VWA2: variants seen among roughly 807,000 people sequenced by gnomAD.
VWA2 encodes the protein von Willebrand factor A domain containing 2.
VWA2 carries 73 observed loss-of-function variants against 70.4 expected under a neutral mutation model. That is an observed-to-expected ratio of 1.04 (90% CI 0.86 to 1.26). VWA2 has a LOEUF of 1.26. Among genes scored for constraint, VWA2 ranks in the 50% most tolerant of loss-of-function variants. The pLI, the probability that VWA2 is intolerant of heterozygous loss-of-function variation, is 0.00. For synonymous variants in VWA2, 407 were observed against 423.3 expected (o/e 0.96, Z 0.47); for missense variants, 1,011 against 998.5 (o/e 1.01, Z -0.17).
At position 114,264,829 on chromosome 10, in the gene VWA2, C is replaced by T. The variant is rs369026618; in HGVS notation, c.371+3534C>T. ...CCACCTCCCGGGTTCAAGCGATTCT[C>T]CTGCCTCAGCCTCCCGAGTAGCTAG... On this transcript the variant is annotated intron_variant, in intron 5 of 13. Transcript: ENST00000392982. 4.8e-4 allele frequency among the ~76,000 whole-genome samples: 73 copies of T among 152,318 alleles called. No individual in the cohort carries two copies. In the Middle Eastern group the frequency reaches 0.034, roughly 71 times the overall value.
At chr10:114,246,797 C>T (rs1232309766) in intron 1 of VWA2, 1 of 1,091,252 alleles carries the variant, frequency 9.2e-7, no homozygotes, top group Non-Finnish European at 1.4e-6. Context: ...TTTATTTTAC[C>T]ATTGACTGCT....
chr10:114,281,821 G>A (rs2038148689), intron 8 of VWA2: 1 of 888,678 alleles, frequency 1.1e-6, no homozygotes. Flanking sequence ...ATACAAAGAG[G>A]AAAGTGAAGA....
chr10:114,276,908 A>C (rs1446013436), intron 6 of VWA2, among the ~76,000 whole-genome samples: 6 of 152,052 alleles, frequency 3.9e-5, no homozygotes, highest in Non-Finnish European at 5.9e-5. Flanking sequence ...AGTCCATTGC[A>C]GGGCTGGGGG....
At chr10:114,276,950 G>A (rs549471675) in intron 6 of VWA2, among the ~76,000 whole-genome samples, 3 of 152,198 alleles carry the variant, frequency 2.0e-5, no homozygotes, top group Admixed American at 6.5e-5. Flanking sequence ...CCTGCAGACC[G>A]TGGCTGTGCA....
intron 9 of VWA2, 92 bp from the exon 10 acceptor site, chr10:114,284,771 A>G: frequency 7.9e-7 from 1 of 1,259,384 alleles, no homozygotes; most frequent in Non-Finnish European, 1.1e-6. Flanking sequence ...CCACTGCTAG[A>G]GCAGGAAGCC....
intron 11 of VWA2, among the ~76,000 whole-genome samples, chr10:114,287,210 T>A (rs780226711): frequency 6.6e-6 from 1 of 152,168 alleles, no homozygotes; most frequent in Non-Finnish European, 1.5e-5. Context: ...AGACAGGGTC[T>A]TGCTCTGTTA....
chr10:114,264,391 A>G (rs973787427), intron 5 of VWA2, among the ~76,000 whole-genome samples: 1 of 128,242 alleles, frequency 7.8e-6, no homozygotes, highest in African/African-American at 2.8e-5. Context: ...AGCCAGGCAT[A>G]GCAGGTCATA....
At chr10:114,273,958 G>A (rs947797127) in intron 6 of VWA2, among the ~76,000 whole-genome samples, 1 of 152,194 alleles carries the variant, frequency 6.6e-6, no homozygotes, top group Non-Finnish European at 1.5e-5. Context: ...TTTTAGTTTG[G>A]GTGGTCAGTC....
intron 1 of VWA2, among the ~76,000 whole-genome samples, chr10:114,244,751 G>A (rs1031229183): frequency 2.0e-5 from 3 of 152,240 alleles, no homozygotes; most frequent in Non-Finnish European, 2.9e-5. Flanking sequence ...TGGGAATAGA[G>A]TGCAAACAAT....
intron 4 of VWA2, among the ~76,000 whole-genome samples, chr10:114,255,457 G>A (rs1004229402): frequency 6.6e-6 from 1 of 152,168 alleles, no homozygotes; most frequent in Non-Finnish European, 1.5e-5. Context: ...TAGTCAGAGG[G>A]AAGAGAGTTT....
rs754631958 is a variant in VWA2 at position 114,284,940 on chromosome 10, C to T, written c.967C>T (p.Pro323Ser). 3 of 1,604,192 alleles carry T rather than the reference C, an allele frequency of 1.9e-6. No individual in the cohort carries two copies. In the South Asian group the frequency reaches 3.4e-5, roughly 18 times the overall value. The stretch of plus-strand genomic sequence containing the variant: ...ACTGGACGGCTACCAGTGCCTCTGC[C>T]CGCTGGCCTTTGGAGGGGAGGCTAA... ...EGLDGYQCLC[P>S]LAFGGEANCA... The change falls in exon 10 of 14, where the codon CCG (proline) becomes TCG (serine). Residue 323 changes from proline to serine, a missense_variant. Pro to Ser is a moderately conservative substitution (Grantham distance 74). Transcript: ENST00000392982.
rs577067690 is a variant in VWA2, at chr10:114,293,735, T to C, written c.*2498T>C. On this transcript the variant is annotated 3_prime_UTR_variant, in exon 14 of 14. Transcript: ENST00000392982. Reference sequence around the variant, plus strand: ...CTGAACGATCCTGATTCCAGTCATCTTGTTGAATACCCTAGTTCTAATAAT... The same window carrying C: ...CTGAACGATCCTGATTCCAGTCATCCTGTTGAATACCCTAGTTCTAATAAT... 4.6e-5 allele frequency among the ~76,000 whole-genome samples: 7 copies of C among 152,374 alleles called. No individual in the cohort carries two copies. In the East Asian group the frequency reaches 1.2e-3, roughly 25 times the overall value.
At chr10:114,247,591 G>A (rs1346471230) in intron 1 of VWA2, among the ~76,000 whole-genome samples, 1 of 151,876 alleles carries the variant, frequency 6.6e-6, no homozygotes. Flanking sequence ...GAGCCACCGC[G>A]AAGGGCTTAT....
chr10:114,282,744 G>A (rs2038328051), intron 9 of VWA2, among the ~76,000 whole-genome samples, 173 bp downstream of exon 9: 1 of 152,188 alleles, frequency 6.6e-6, no homozygotes. Flanking sequence ...CCTCAATGGT[G>A]TTTGCTCATT....
At chr10:114,258,364 T>A (rs191552156) in intron 4 of VWA2, among the ~76,000 whole-genome samples, 1 of 152,340 alleles carries the variant, frequency 6.6e-6, no homozygotes, top group East Asian at 1.9e-4. Flanking sequence ...GTGTTTGAAG[T>A]CTTCCTCTTA....
chr10:114,273,883 T>A (rs2037763631), intron 6 of VWA2, among the ~76,000 whole-genome samples: 1 of 151,932 alleles, frequency 6.6e-6, no homozygotes, highest in African/African-American at 2.4e-5. Flanking sequence ...GGAAGTAAAA[T>A]GCAAAAGGGA....
At position 114,288,977 on chromosome 10, in the gene VWA2, A is replaced by G; in HGVS notation, c.1610A>G (p.Asp537Gly). Reference protein sequence around the residue: ...TQALDLVFMLDTSASVGPENF... With the variant: ...TQALDLVFMLGTSASVGPENF... ...GCCCTGGACCTCGTCTTCATGTTGGACACCTCTGCCTCAGTAGGGCCCGAG... is the reference window on the plus strand; with the variant it reads ...GCCCTGGACCTCGTCTTCATGTTGGGCACCTCTGCCTCAGTAGGGCCCGAG... The change falls in exon 12 of 14, where the codon GAC (aspartate) becomes GGC (glycine). Residue 537 changes from aspartate (D) to glycine (G), a missense_variant. By Grantham distance (94) the Asp-to-Gly change is moderately conservative. Transcript: ENST00000392982. 1 of 1,613,620 alleles carries G rather than the reference A, an allele frequency of 6.2e-7. No individual in the cohort carries two copies. Among genetic ancestry groups the G allele is most frequent in the Non-Finnish European group, 8.5e-7 (1 of 1,179,734 alleles).
rs2039865650 is a variant in VWA2, at chr10:114,294,262, T to G, written c.*3025T>G. Among the ~76,000 whole-genome samples, 1 of 152,232 alleles carries G rather than the reference T, an allele frequency of 6.6e-6. No homozygotes were observed. The highest frequency in any genetic ancestry group is 1.5e-5 in the Non-Finnish European group (1 of 68,024). On this transcript the variant is annotated 3_prime_UTR_variant, in exon 14 of 14. Coordinates refer to ENST00000392982, the MANE Select transcript of VWA2 (RefSeq NM_001272046.2). ...TCTTTTGCAATTTGTTTTGAATTTT[T>G]GGTATCAGAGCTATACTAACCTTAT...
intron 5 of VWA2, among the ~76,000 whole-genome samples, chr10:114,269,268 A>G (rs1168082616): frequency 1.3e-5 from 2 of 152,194 alleles, no homozygotes; most frequent in East Asian, 3.9e-4. Flanking sequence ...TTGTGAAGAG[A>G]GAGGCCCAGA....
Sources: allele counts gnomAD v4.1 joint callset (sites outside exome capture counted in the v4.1 genomes callset), GRCh38; gene constraint gnomAD v4.1.1; transcripts MANE v1.5; gene names NCBI Gene and HGNC (gene_info 2026-07-23, HGNC 2026-07-21).